ADCY2: variants seen among roughly 807,000 people sequenced by gnomAD.
ADCY2 encodes adenylate cyclase type 2.
In ADCY2, 31 loss-of-function variants were observed where a neutral mutation model predicts 125.2. That is an observed-to-expected ratio of 0.25 (90% CI 0.19 to 0.33). The LOEUF (loss-of-function observed/expected upper bound fraction) is 0.33. ADCY2 is among the 10% of genes least tolerant of loss of function. The probability of loss-of-function intolerance (pLI) is 1.00; values close to 1 mark genes in which losing one functional copy is unlikely to be tolerated. For missense variants in ADCY2, 904 were observed against 1,418.2 expected (o/e 0.64, Z 5.82); for synonymous variants, 512 against 548.4 (o/e 0.93, Z 0.93).
chr5:7,503,271 CAA>C (rs1046123652), intron 2 of ADCY2, among the ~76,000 whole-genome samples: 3 of 152,128 alleles, frequency 2.0e-5, no homozygotes, highest in African/African-American at 7.2e-5. Context: ...ACTCTCCTCT[CAA>C]GATTTTAGAA....
intron 6 of ADCY2, among the ~76,000 whole-genome samples, chr5:7,697,803 A>G (rs1381956162): frequency 6.6e-6 from 1 of 152,214 alleles, no homozygotes; most frequent in Non-Finnish European, 1.5e-5. Context: ...GATTTAAAAT[A>G]AATAAAAGAA....
chr5:7,616,260 A>G (rs1737758123), intron 3 of ADCY2, among the ~76,000 whole-genome samples: 1 of 152,130 alleles, frequency 6.6e-6, no homozygotes, highest in Admixed American at 6.5e-5. Flanking sequence ...GAAGAAGTTT[A>G]TCACCAGTCT....
At chr5:7,552,489 A>G (rs1007116700) in intron 3 of ADCY2, among the ~76,000 whole-genome samples, 17 of 152,168 alleles carry the variant, frequency 1.1e-4, no homozygotes, top group African/African-American at 3.6e-4. Context: ...GTATTTAAGA[A>G]TATTAGAAGA....
rs59996236 is a variant in ADCY2 at position 7,589,513 on chromosome 5, A to AG, written c.571-36654_571-36653insG. Among the ~76,000 whole-genome samples the AG allele has an allele frequency of 5.2e-3, 541 of 103,236 alleles. 3 individuals are homozygous for AG. Among genetic ancestry groups the AG allele is most frequent in the African/African-American group, 0.016 (495 of 31,166 alleles). 67.7% of individuals were successfully genotyped at this position (103,236 alleles called of 152,430 possible). ...AAGAAAGAAAGAAAGAAAGAAAGAAAAGAAAAGAAAGAGAAAGAAAGAAAG... is the reference window on the plus strand; with the variant it reads ...AAGAAAGAAAGAAAGAAAGAAAGAAAGAGAAAAGAAAGAGAAAGAAAGAAAG... On this transcript the variant is annotated intron_variant, in intron 3 of 24. Coordinates refer to ENST00000338316, the MANE Select transcript of ADCY2 (RefSeq NM_020546.3).
chr5:7,506,228 G>T (rs895209532), intron 2 of ADCY2, among the ~76,000 whole-genome samples: 1 of 151,948 alleles, frequency 6.6e-6, no homozygotes, highest in Non-Finnish European at 1.5e-5. Context: ...GTAAACAGTT[G>T]GAAGAATGCC....
chr5:7,527,025 G>T (rs1359753506), intron 3 of ADCY2, among the ~76,000 whole-genome samples: 6 of 152,220 alleles, frequency 3.9e-5, no homozygotes, highest in Admixed American at 2.0e-4. Flanking sequence ...GCATTTGACT[G>T]TAAGTTCCAT....
intron 4 of ADCY2, among the ~76,000 whole-genome samples, chr5:7,673,810 G>A (rs915167499): frequency 2.6e-5 from 4 of 152,130 alleles, no homozygotes; most frequent in African/African-American, 9.7e-5. Context: ...TGGGAGGCAA[G>A]ATCATGAAGG....
At chr5:7,790,122 G>A (rs1320158665) in intron 20 of ADCY2, among the ~76,000 whole-genome samples, 2 of 152,138 alleles carry the variant, frequency 1.3e-5, no homozygotes, top group Non-Finnish European at 2.9e-5. Context: ...TGCCTCCAAA[G>A]AAGCCACTGC....
At chr5:7,764,532 T>G (rs1195421603) in intron 16 of ADCY2, among the ~76,000 whole-genome samples, 1 of 152,210 alleles carries the variant, frequency 6.6e-6, no homozygotes, top group Non-Finnish European at 1.5e-5. Flanking sequence ...CTAAAGCACC[T>G]GTTCACAATT....
chr5:7,567,516 T>C (rs747286710), intron 3 of ADCY2, among the ~76,000 whole-genome samples: 5 of 152,210 alleles, frequency 3.3e-5, no homozygotes, highest in African/African-American at 4.8e-5. Flanking sequence ...TCTGGCCTTC[T>C]TTCTAGCTGT....
At chr5:7,520,369 G>A (rs117841089) in intron 2 of ADCY2, among the ~76,000 whole-genome samples, 2 of 152,104 alleles carry the variant, frequency 1.3e-5, no homozygotes, top group African/African-American at 4.8e-5. Context: ...GATGATGCCT[G>A]TCCCTCCTCT....
intron 22 of ADCY2, among the ~76,000 whole-genome samples, chr5:7,807,965 AG>A (rs1225589462): frequency 6.6e-6 from 1 of 152,148 alleles, no homozygotes; most frequent in African/African-American, 2.4e-5. Context: ...AGTGGTTTCC[AG>A]GGACAGCCTC....
intron 4 of ADCY2, among the ~76,000 whole-genome samples, chr5:7,675,169 AAAG>A (rs1215682465): frequency 3.3e-4 from 48 of 144,600 alleles, no homozygotes; most frequent in Middle Eastern, 3.6e-3. Context: ...AAAAAAAAAA[AAAG>A]AAAGAAAAAA....
intron 3 of ADCY2, among the ~76,000 whole-genome samples, chr5:7,603,784 C>CTTT: frequency 0.014 from 905 of 62,854 alleles, 6 homozygotes; most frequent in Middle Eastern, 0.038. Flanking sequence ...TGCTCTCTTT[C>CTTT]TTTTTTTTTT....
intron 4 of ADCY2, among the ~76,000 whole-genome samples, chr5:7,650,175 C>A (rs1739038457): frequency 1.3e-5 from 2 of 151,786 alleles, no homozygotes; most frequent in South Asian, 4.2e-4. Context: ...GGGAGTGAAA[C>A]CCAAAGCCAT....
At chr5:7,588,863 C>T (rs1006101186) in intron 3 of ADCY2, among the ~76,000 whole-genome samples, 5 of 151,976 alleles carry the variant, frequency 3.3e-5, no homozygotes, top group Non-Finnish European at 7.4e-5. Flanking sequence ...TGGAATAGAT[C>T]AAAGAGCAAA....
At chr5:7,515,914 G>C (rs1744238309) in intron 2 of ADCY2, among the ~76,000 whole-genome samples, 1 of 152,176 alleles carries the variant, frequency 6.6e-6, no homozygotes, top group African/African-American at 2.4e-5. Flanking sequence ...GAGGACTAGA[G>C]GGTGTGGGTG....
chr5:7,709,107 A>G lies in ADCY2; in HGVS notation c.1402-104A>G. 3 of 1,154,988 alleles carry G rather than the reference A, an allele frequency of 2.6e-6. No individual in the cohort carries two copies. Among genetic ancestry groups the G allele is most frequent in the Non-Finnish European group, 3.5e-6 (3 of 858,374 alleles). 71.5% of individuals were successfully genotyped at this position (1,154,988 alleles called of 1,614,324 possible). On this transcript the variant is annotated intron_variant, in intron 9 of 24. Coordinates refer to ENST00000338316, the MANE Select transcript of ADCY2 (RefSeq NM_020546.3). The surrounding 1 kb of genome is among the most constrained non-coding windows in gnomAD (Gnocchi z 4.4). Reference sequence around the variant, plus strand: ...GACAGAAAACACAGAGGGCGAATAGAGGGCTGTCAGGAGGAATGACCCTAG... The same window carrying G: ...GACAGAAAACACAGAGGGCGAATAGGGGGCTGTCAGGAGGAATGACCCTAG...
chr5:7,488,606 T>C (rs185104342), intron 2 of ADCY2, among the ~76,000 whole-genome samples: 450 of 152,296 alleles, frequency 3.0e-3, no homozygotes, highest in Non-Finnish European at 3.6e-3. Flanking sequence ...CATAGTGGCT[T>C]TTCTTTTGTC....
Sources: allele counts gnomAD v4.1 joint callset (sites outside exome capture counted in the v4.1 genomes callset), GRCh38; gene constraint gnomAD v4.1.1; non-coding constraint Gnocchi (gnomAD v3.1); transcripts MANE v1.5; gene names NCBI Gene and HGNC (gene_info 2026-07-23, HGNC 2026-07-21).